Variants in SPATA18 observed in about 807,000 individuals in gnomAD.
SPATA18 encodes the protein mitochondria-eating protein.
SPATA18 carries 54 observed loss-of-function variants against 68.1 expected under a neutral mutation model. The observed-to-expected ratio is 0.79, with a 90% CI of 0.64 to 0.99. SPATA18 has a LOEUF of 0.99. Among genes scored for constraint, SPATA18 ranks in the 50% least tolerant of loss-of-function variants. SPATA18 has a pLI of 0.00. For missense variants in SPATA18, 724 were observed against 681.1 expected (o/e 1.06, Z -0.70); for synonymous variants, 242 against 244.8 (o/e 0.99, Z 0.11).
At chr4:52,077,360 C>A (rs1259124778) in intron 7 of SPATA18, among the ~76,000 whole-genome samples, 1 of 146,864 alleles carries the variant, frequency 6.8e-6, no homozygotes, top group Non-Finnish European at 1.5e-5. Context: ...CTCCCTCTCT[C>A]CATCTCTTCC....
intron 11 of SPATA18, among the ~76,000 whole-genome samples, chr4:52,091,998 C>T (rs1742003855): frequency 6.6e-6 from 1 of 152,226 alleles, no homozygotes; most frequent in African/African-American, 2.4e-5. Context: ...GCTTTGTTTA[C>T]ACTGTGGCTG....
At chr4:52,055,294 AT>A (rs1738244446) in intron 1 of SPATA18, among the ~76,000 whole-genome samples, 1 of 152,194 alleles carries the variant, frequency 6.6e-6, no homozygotes, top group South Asian at 2.1e-4. Flanking sequence ...GAAACTTCTT[AT>A]TCATTTCCCT....
chr4:52,083,577 T>C (rs2109507250), intron 10 of SPATA18: 2 of 683,380 alleles, frequency 2.9e-6, no homozygotes, highest in African/African-American at 2.0e-5. Flanking sequence ...AGACCTCATC[T>C]CTACAAAAAA....
rs997343905 is a variant in SPATA18 at position 52,051,521 on chromosome 4, C to T, written c.-184C>T. The T allele has an allele frequency of 6.4e-6, 4 of 620,398 alleles. No homozygotes were observed. The highest frequency in any genetic ancestry group is 1.1e-5 in the Non-Finnish European group (4 of 352,170). 38.4% of individuals were successfully genotyped at this position (620,398 alleles called of 1,614,324 possible). On this transcript the variant is annotated 5_prime_UTR_variant, in exon 1 of 13. Transcript: ENST00000295213. Reference sequence around the variant, plus strand: ...CGGCGGCTGCGGCCCAGGGCACCTCCCCTCTGGCTTCCCGAACCCGGCCAG... The same window carrying T: ...CGGCGGCTGCGGCCCAGGGCACCTCTCCTCTGGCTTCCCGAACCCGGCCAG...
chr4:52,065,378 C>T (rs746252738), intron 4 of SPATA18, among the ~76,000 whole-genome samples: 8 of 152,104 alleles, frequency 5.3e-5, no homozygotes, highest in Non-Finnish European at 7.4e-5. Context: ...AAACCAATAT[C>T]TAAAAGAGTT....
Position 52,051,806 on chromosome 4 carries a change from A to G in SPATA18, c.87+15A>G, listed in dbSNP as rs772138232. 6.2e-7 allele frequency: 1 copy of G among 1,612,954 alleles called. No individual in the cohort carries two copies. The highest frequency in any genetic ancestry group is 2.2e-5 in the East Asian group (1 of 44,850). On this transcript the variant is annotated intron_variant, in intron 1 of 12. Transcript: ENST00000295213. Reference sequence around the variant, plus strand: ...AGGAGTACAACGTGAGTCTGGGTGAAAAACCCCCGGGGTTCGCCCTCCCAT... The same window carrying G: ...AGGAGTACAACGTGAGTCTGGGTGAGAAACCCCCGGGGTTCGCCCTCCCAT...
intron 5 of SPATA18, among the ~76,000 whole-genome samples, chr4:52,071,568 A>T (rs1739843126): frequency 6.6e-6 from 1 of 152,198 alleles, no homozygotes; most frequent in Non-Finnish European, 1.5e-5. Flanking sequence ...AGCTGCCTGA[A>T]TAGCTTTTGG....
Position 52,078,793 on chromosome 4 carries a change from C to G in SPATA18, c.1079C>G (p.Ser360Trp), listed in dbSNP as rs768840106. ...CACTTCAAGATCCATGTGAGAAAAT[C>G]GTTGACACCATCTTATGTGGGGTCG... ...FRHFKIHVRK[S>W]LTPSYVGSND... The change falls in exon 8 of 13, where the codon TCG (serine) becomes TGG (tryptophan). Residue 360 changes from serine (S) to tryptophan (W), a missense_variant. By Grantham distance (177) the Ser-to-Trp change is radical (BLOSUM62 -3). Coordinates refer to ENST00000295213, the MANE Select transcript of SPATA18 (RefSeq NM_145263.4). 1.2e-6 allele frequency: 2 copies of G among 1,606,600 alleles called. No individual in the cohort carries two copies. Among genetic ancestry groups the G allele is most frequent in the Non-Finnish European group, 1.7e-6 (2 of 1,174,164 alleles).
chr4:52,082,530 T>C lies in SPATA18; in HGVS notation c.1479+20T>C. 6.2e-7 allele frequency: 1 copy of C among 1,613,998 alleles called. No homozygotes were observed. Reference sequence around the variant, plus strand: ...GCTTTTGTACGGTGGCCTTGCATAGTGACAATTCATCCCAAGTGTTTGATT... The same window carrying C: ...GCTTTTGTACGGTGGCCTTGCATAGCGACAATTCATCCCAAGTGTTTGATT... On this transcript the variant is annotated intron_variant, in intron 10 of 12. Transcript: ENST00000295213.
At chr4:52,064,418 C>T (rs1340674229) in intron 4 of SPATA18, among the ~76,000 whole-genome samples, 1 of 152,068 alleles carries the variant, frequency 6.6e-6, no homozygotes, top group African/African-American at 2.4e-5. Context: ...TCTTTTATCC[C>T]TCACCCTCCT....
chr4:52,084,767 C>A (rs781281915), intron 10 of SPATA18, 149 bp from the exon 11 acceptor site: 2 of 662,814 alleles, frequency 3.0e-6, no homozygotes, highest in Non-Finnish European at 2.6e-6. Context: ...AGGAGGTGAA[C>A]GGAGTGTGGC....
chr4:52,090,596 G>A (rs544448249), intron 11 of SPATA18, among the ~76,000 whole-genome samples: 7 of 152,282 alleles, frequency 4.6e-5, no homozygotes, highest in South Asian at 2.1e-4. Context: ...TTTAATGAAC[G>A]TTGAATATTG....
rs1427959189 is a variant in SPATA18, at chr4:52,062,266, G to A, written c.356G>A (p.Arg119Gln). 10 of 1,608,582 alleles carry A rather than the reference G, an allele frequency of 6.2e-6. No homozygotes were observed. The highest frequency in any genetic ancestry group is 2.2e-5 in the East Asian group (1 of 44,710). Residue 119 changes from arginine to glutamine, a missense_variant, in exon 4 of 13, where the codon CGG (arginine) becomes CAG (glutamine). Transcript: ENST00000295213. ...CATAAAGATCCCAGTCCTCGGGATCGGGATATGCAACAGTTAGACTCTAAT... is the reference window on the plus strand; with the variant it reads ...CATAAAGATCCCAGTCCTCGGGATCAGGATATGCAACAGTTAGACTCTAAT... The part of the protein sequence containing the change: ...ERHKDPSPRD[R>Q]DMQQLDSNLN...
chr4:52,051,838 CA>C (rs1348809835), intron 1 of SPATA18, 47 bp downstream of exon 1: 1 of 1,539,334 alleles, frequency 6.5e-7, no homozygotes, highest in Non-Finnish European at 8.9e-7. Flanking sequence ...CCATAGGTTC[CA>C]GCACAGCCCT....
rs553945311 is a variant in SPATA18, at chr4:52,078,248, A to G, written c.1021-487A>G. The stretch of plus-strand genomic sequence containing the variant: ...TACTGAGTTAGTTAAAGCTCTGTCA[A>G]TGTACAGACCACATCTTCCTTGCAT... On this transcript the variant is annotated intron_variant, in intron 7 of 12. Transcript: ENST00000295213. 2.6e-5 allele frequency: 4 copies of G among 152,504 alleles called. No individual in the cohort carries two copies. In the East Asian group the frequency reaches 5.8e-4, roughly 22 times the overall value. The allele number at this position is 152,504 out of a possible 1,614,324, so 9.4% of individuals were successfully genotyped here. A position where few individuals can be genotyped will look rare whatever the true frequency, so the allele number is the denominator to read the frequency against.
At chr4:52,054,289 T>C (rs1560578266) in intron 1 of SPATA18, among the ~76,000 whole-genome samples, 2 of 152,204 alleles carry the variant, frequency 1.3e-5, no homozygotes. Flanking sequence ...CACTCACTGT[T>C]TTCTCTGCCT....
chr4:52,055,899 A>AT (rs1334649369), intron 1 of SPATA18, among the ~76,000 whole-genome samples: 1 of 152,150 alleles, frequency 6.6e-6, no homozygotes, highest in African/African-American at 2.4e-5. Context: ...GGCAGGAGAC[A>AT]TTGTGTCCCT....
Position 52,076,848 on chromosome 4 carries a change from C to A in SPATA18, c.828C>A (p.Ser276Arg). The change falls in exon 7 of 13, where the codon AGC (serine) becomes AGA (arginine). Residue 276 changes from serine to arginine, a missense_variant. By Grantham distance (110) the Ser-to-Arg change is moderately radical (BLOSUM62 -1). Coordinates refer to ENST00000295213, the MANE Select transcript of SPATA18 (RefSeq NM_145263.4). ...GCTGCAGCCGCAGCAGATCTGCCAG[C>A]CCCTCCACCGCTGTCAAGGTCAGGA... ...SRSCSRSRSA[S>R]PSTAVKVRRP... is the part of the protein sequence containing the mutation. The A allele has an allele frequency of 2.5e-6, 4 of 1,614,222 alleles. No homozygotes were observed. Among genetic ancestry groups the A allele is most frequent in the Non-Finnish European group, 2.5e-6 (3 of 1,180,030 alleles).
Position 52,084,993 on chromosome 4 carries a change from A to C in SPATA18, c.1557A>C (p.Leu519Phe), listed in dbSNP as rs1263523600. 1 of 1,613,048 alleles carries C rather than the reference A, an allele frequency of 6.2e-7. No homozygotes were observed. The highest frequency in any genetic ancestry group is 8.5e-7 in the Non-Finnish European group (1 of 1,179,520). Residue 519 changes from leucine (L) to phenylalanine (F), a missense_variant, in exon 11 of 13, where the codon TTA becomes TTC. Coordinates refer to ENST00000295213, the MANE Select transcript of SPATA18 (RefSeq NM_145263.4). ...TTTGCCCCCGTAGCCAAATTGGTTT[A>C]AACACGGTACATATCTATCTAATCA... ...SPICPRSQIG[L>F]NTMSRSRSPS...
Sources: gnomAD v4.1 joint callset for allele counts (sites outside exome capture counted in the v4.1 genomes callset) on GRCh38, gnomAD v4.1.1 for gene constraint, MANE v1.5 for transcripts, NCBI Gene and HGNC (gene_info 2026-07-23, HGNC 2026-07-21) for gene names.